Variants in LRRC72 observed in about 807,000 individuals in gnomAD.
LRRC72 encodes leucine-rich repeat-containing protein 72.
Under a neutral mutation model 35.8 loss-of-function variants are expected in LRRC72, and 41 were observed. The ratio of observed to expected loss-of-function variants is 1.15; its 90% CI spans 0.89 to 1.49. The LOEUF (loss-of-function observed/expected upper bound fraction) is 1.49, where lower values mean the gene tolerates loss of function less well. LRRC72 is among the 40% of genes most tolerant of loss of function. LRRC72 has a pLI of 0.00. For synonymous variants in LRRC72, 118 were observed against 119.2 expected (o/e 0.99, Z 0.07); for missense variants, 389 against 330.7 (o/e 1.18, Z -1.37).
At position 16,551,291 on chromosome 7, in the gene LRRC72, G is replaced by A. The variant is rs369660163; in HGVS notation, c.235-6069G>A. Reference sequence around the variant, plus strand: ...ATTGATGACACTATTTGGGTTTAACGGACATAGTCCCTGTGATGTTATGAA... The same window carrying A: ...ATTGATGACACTATTTGGGTTTAACAGACATAGTCCCTGTGATGTTATGAA... On this transcript the variant is annotated intron_variant, in intron 3 of 8. Transcript: ENST00000401542. 5.7e-4 allele frequency among the ~76,000 whole-genome samples: 87 copies of A among 152,196 alleles called. 1 individual carries two copies. The South Asian group carries it at 0.011, about 19-fold the overall frequency.
At chr7:16,554,682 G>C (rs1194774825) in intron 3 of LRRC72, among the ~76,000 whole-genome samples, 3 of 152,038 alleles carry the variant, frequency 2.0e-5, no homozygotes, top group African/African-American at 4.8e-5. Context: ...TCATGATTTG[G>C]CTTTGACTCC....
intron 5 of LRRC72, among the ~76,000 whole-genome samples, chr7:16,562,614 C>T (rs1782762388): frequency 6.6e-6 from 1 of 152,164 alleles, no homozygotes; most frequent in Non-Finnish European, 1.5e-5. Context: ...TGCCTTTAAA[C>T]ACTTCCTGCC....
rs543461639 is a variant in LRRC72 at position 16,534,617 on chromosome 7, TG to T, written c.164+2052del. 8.5e-3 allele frequency among the ~76,000 whole-genome samples: 1,295 copies of T among 152,218 alleles called. 7 individuals are homozygous for T. The highest frequency in any genetic ancestry group is 0.012 in the Non-Finnish European group (800 of 67,998). On this transcript the variant is annotated intron_variant, in intron 2 of 8. Transcript: ENST00000401542. ...ACTTTCGCGCCACTGCACTCCAGCC[TG>T]GGTGACAGAGCGAGACTCAGTCTCA...
chr7:16,554,716 T>A (rs147360788), intron 3 of LRRC72, among the ~76,000 whole-genome samples: 4 of 152,300 alleles, frequency 2.6e-5, no homozygotes, highest in African/African-American at 9.6e-5. Context: ...TCACTCCCCC[T>A]TACCTTCACA....
chr7:16,532,042 C>G (rs1315413252), intron 1 of LRRC72, among the ~76,000 whole-genome samples: 1 of 152,078 alleles, frequency 6.6e-6, no homozygotes, highest in Non-Finnish European at 1.5e-5. Flanking sequence ...GTGATAGGCA[C>G]AAAAAAGAAT....
At chr7:16,537,888 G>A (rs2128335020) in intron 3 of LRRC72, among the ~76,000 whole-genome samples, 192 bp downstream of exon 3, 1 of 152,158 alleles carries the variant, frequency 6.6e-6, no homozygotes, top group Non-Finnish European at 1.5e-5. Context: ...ACACACATGA[G>A]ATACATTGAA....
At chr7:16,568,226 A>G (rs1782883934) in intron 7 of LRRC72, among the ~76,000 whole-genome samples, 1 of 152,192 alleles carries the variant, frequency 6.6e-6, no homozygotes, top group Non-Finnish European at 1.5e-5. Flanking sequence ...AGTGTGCTTT[A>G]TGATTACAAG....
At chr7:16,543,853 C>T (rs989869338) in intron 3 of LRRC72, among the ~76,000 whole-genome samples, 1 of 152,104 alleles carries the variant, frequency 6.6e-6, no homozygotes, top group Non-Finnish European at 1.5e-5. Flanking sequence ...AAGGCAGAGC[C>T]CAGAGATTCA....
chr7:16,538,057 T>C (rs1487348351), intron 3 of LRRC72, among the ~76,000 whole-genome samples: 2 of 152,192 alleles, frequency 1.3e-5, no homozygotes, highest in Non-Finnish European at 2.9e-5. Flanking sequence ...TACAAAATCT[T>C]ACAGCCCATT....
chr7:16,553,926 G>A (rs1021843540), intron 3 of LRRC72, among the ~76,000 whole-genome samples: 1 of 152,126 alleles, frequency 6.6e-6, no homozygotes, highest in Non-Finnish European at 1.5e-5. Flanking sequence ...CACTTGTTAT[G>A]CTCCAAGCCT....
intron 3 of LRRC72, among the ~76,000 whole-genome samples, chr7:16,553,251 A>C (rs1044778092): frequency 2.0e-5 from 3 of 152,204 alleles, no homozygotes; most frequent in Admixed American, 6.5e-5. Context: ...TTTAGACAGA[A>C]GTCTCCCCAA....
intron 3 of LRRC72, 147 bp downstream of exon 3, chr7:16,537,843 G>T: frequency 1.9e-6 from 1 of 534,606 alleles, no homozygotes; most frequent in South Asian, 2.8e-5. Context: ...TATATATCTG[G>T]TACATATATA....
chr7:16,548,130 G>A (rs1782481084), intron 3 of LRRC72, among the ~76,000 whole-genome samples: 1 of 152,218 alleles, frequency 6.6e-6, no homozygotes, highest in African/African-American at 2.4e-5. Context: ...CTGAGAGCTG[G>A]ACACTTGTTG....
chr7:16,545,611 A>C (rs1368206577), intron 3 of LRRC72, among the ~76,000 whole-genome samples: 1 of 152,158 alleles, frequency 6.6e-6, no homozygotes, highest in Non-Finnish European at 1.5e-5. Flanking sequence ...AAAAAAACAA[A>C]ATGAATTAGC....
At chr7:16,542,045 T>C (rs1388607871) in intron 3 of LRRC72, among the ~76,000 whole-genome samples, 1 of 152,178 alleles carries the variant, frequency 6.6e-6, no homozygotes, top group Non-Finnish European at 1.5e-5. Flanking sequence ...CAAAAGTGAC[T>C]AATCTGTTTT....
At chr7:16,534,563 ATACTT>A (rs1782220779) in intron 2 of LRRC72, among the ~76,000 whole-genome samples, 2 of 152,232 alleles carry the variant, frequency 1.3e-5, no homozygotes, top group South Asian at 4.1e-4. Context: ...GACACAGTTA[ATACTT>A]TAAAGTTTTA....
chr7:16,567,437 T>C lies in LRRC72; in HGVS notation c.564T>C (p.His188=), dbSNP rs1209582650. The change falls in exon 7 of 9, where the codon CAT becomes CAC. Residue 188 remains histidine (H), a synonymous_variant. Transcript: ENST00000401542. ...ERRSMITIFN[H]KKAHIVQSIA... ...GATCAATGATTACCATTTTTAACCA[T>C]AAAAAGGCTCATATCGTTCAATCAA... is the stretch of plus-strand genomic sequence containing the variant. 5.9e-6 allele frequency: 9 copies of C among 1,516,832 alleles called. No individual in the cohort carries two copies. Among genetic ancestry groups the C allele is most frequent in the South Asian group, 1.3e-5 (1 of 77,902 alleles). 94.0% of individuals were successfully genotyped at this position (1,516,832 alleles called of 1,614,324 possible).
At chr7:16,557,109 A>G (rs1782662597) in intron 3 of LRRC72, among the ~76,000 whole-genome samples, 1 of 152,206 alleles carries the variant, frequency 6.6e-6, no homozygotes, top group African/African-American at 2.4e-5. Context: ...CTAGCAAGCA[A>G]GTTTGGTTGA....
At chr7:16,534,672 T>G (rs928007978) in intron 2 of LRRC72, among the ~76,000 whole-genome samples, 1 of 151,732 alleles carries the variant, frequency 6.6e-6, no homozygotes, top group Non-Finnish European at 1.5e-5. Context: ...TAAAATAAAA[T>G]GAAATAACTT....
Sources: gnomAD v4.1 joint callset for allele counts (sites outside exome capture counted in the v4.1 genomes callset) on GRCh38, gnomAD v4.1.1 for gene constraint, MANE v1.5 for transcripts, NCBI Gene and HGNC (gene_info 2026-07-23, HGNC 2026-07-21) for gene names.